CACNA1E: variants seen among roughly 807,000 people sequenced by gnomAD.
CACNA1E encodes the protein voltage-dependent R-type calcium channel subunit alpha-1E.
A neutral mutation model predicts 259.2 loss-of-function variants in CACNA1E; 40 were observed. The ratio of observed to expected loss-of-function variants is 0.15; its 90% confidence interval spans 0.12 to 0.20. The LOEUF (loss-of-function observed/expected upper bound fraction) is 0.20. Among genes scored for constraint, CACNA1E ranks in the 10% least tolerant of loss-of-function variants. The pLI, the probability that CACNA1E is intolerant of heterozygous loss-of-function variation, is 1.00. For synonymous variants in CACNA1E, 1,104 were observed against 1,138.5 expected, an observed-to-expected ratio of 0.97 and a Z score of 0.61; for missense variants, 1,874 against 3,040.1, an observed-to-expected ratio of 0.62 and a Z score of 9.02.
At chr1:181,367,133 G>C (rs1654331656) in intron 1 of CACNA1E, among the ~76,000 whole-genome samples, 2 of 152,156 alleles carry the variant, frequency 1.3e-5, no homozygotes, top group Non-Finnish European at 2.9e-5. Context: ...CATCCCTGGA[G>C]GTTGCCACGC....
chr1:181,382,201 G>A (rs1655506092), intron 1 of CACNA1E, among the ~76,000 whole-genome samples: 1 of 152,202 alleles, frequency 6.6e-6, no homozygotes, highest in Admixed American at 6.5e-5. Flanking sequence ...AACAGTGATT[G>A]CAGAGGCCTT....
chr1:181,547,004 T>C (rs371735273), intron 3 of CACNA1E, among the ~76,000 whole-genome samples: 1 of 152,204 alleles, frequency 6.6e-6, no homozygotes, highest in Non-Finnish European at 1.5e-5. Flanking sequence ...ATAACTTAGA[T>C]GATTTAAAGC....
chr1:181,641,703 G>T (rs373626417), intron 6 of CACNA1E, among the ~76,000 whole-genome samples: 2,881 of 80,176 alleles, frequency 0.036, 66 homozygotes, highest in African/African-American at 0.088. Flanking sequence ...CTAATTTTTT[G>T]TTTTTTTTTT....
chr1:181,333,817 G>A lies in CACNA1E; in HGVS notation c.-15+15694G>A, dbSNP rs1181101471. Among the ~76,000 whole-genome samples, 22 of 152,008 alleles carry A rather than the reference G, an allele frequency of 1.4e-4. 1 individual carries two copies. The highest frequency in any genetic ancestry group is 1.4e-3 in the Admixed American group (21 of 15,248). ...ATTACAGGCATGTACCACCACGCCC[G>A]GCTAATTTTTTGTATTTAGTAGATA... On this transcript the variant is annotated intron_variant, in intron 1 of 11. Coordinates refer to the CACNA1E transcript ENST00000524607.
chr1:181,391,434 G>A (rs1036318931), intron 1 of CACNA1E, among the ~76,000 whole-genome samples: 4 of 152,104 alleles, frequency 2.6e-5, no homozygotes, highest in Admixed American at 1.3e-4. Context: ...GCAGGCAGCC[G>A]TTACCATGTT....
chr1:181,508,147 T>TTGTGTG (rs55742094), intron 1 of CACNA1E, among the ~76,000 whole-genome samples: 20,408 of 148,818 alleles, frequency 0.14, 1,500 homozygotes, highest in African/African-American at 0.18. Flanking sequence ...CCCAAACGCC[T>TTGTGTG]TGTGTGTGTG....
At chr1:181,679,343 T>C (rs75164309) in intron 7 of CACNA1E, among the ~76,000 whole-genome samples, 11,971 of 152,208 alleles carry the variant, frequency 0.079, 620 homozygotes, top group South Asian at 0.2. Flanking sequence ...AGTTAGTAAA[T>C]TGGGGACTAG....
intron 1 of CACNA1E, among the ~76,000 whole-genome samples, chr1:181,399,249 G>GA (rs796414907): frequency 3.1e-4 from 44 of 139,916 alleles, no homozygotes; most frequent in Middle Eastern, 3.6e-3. Flanking sequence ...GAGGTAGAAG[G>GA]AAAAAAAAAA....
intron 44 of CACNA1E, among the ~76,000 whole-genome samples, chr1:181,792,994 GCTA>G (rs1404631282): frequency 6.6e-6 from 1 of 151,984 alleles, no homozygotes; most frequent in Non-Finnish European, 1.5e-5. Flanking sequence ...ATGTTGACAT[GCTA>G]CTATTTGGAT....
At chr1:181,753,982 G>A (rs544648260) in intron 27 of CACNA1E, among the ~76,000 whole-genome samples, 9 of 152,062 alleles carry the variant, frequency 5.9e-5, no homozygotes, top group Admixed American at 1.3e-4. Context: ...TGGCTACCCC[G>A]CCTTCCCCCC....
intron 38 of CACNA1E, among the ~76,000 whole-genome samples, chr1:181,780,429 G>A (rs1013068342): frequency 3.3e-5 from 5 of 152,188 alleles, no homozygotes; most frequent in Admixed American, 3.3e-4. Flanking sequence ...GCTAGGTAAG[G>A]AACCCTCTCC....
intron 1 of CACNA1E, among the ~76,000 whole-genome samples, chr1:181,362,802 G>A (rs1272686148): frequency 6.6e-6 from 1 of 152,192 alleles, no homozygotes; most frequent in Non-Finnish European, 1.5e-5. Flanking sequence ...AAATGTGAAA[G>A]AGGAGATGGG....
At chr1:181,517,806 G>A (rs1033731048) in intron 3 of CACNA1E, among the ~76,000 whole-genome samples, 1 of 152,146 alleles carries the variant, frequency 6.6e-6, no homozygotes, top group Non-Finnish European at 1.5e-5. Context: ...TCTGTAAAGA[G>A]GCTGCCCTAA....
At chr1:181,356,696 C>A (rs1273782325) in intron 1 of CACNA1E, among the ~76,000 whole-genome samples, 2 of 152,220 alleles carry the variant, frequency 1.3e-5, no homozygotes, top group African/African-American at 4.8e-5. Flanking sequence ...TTGGAGGAAG[C>A]TGCGGCGGTG....
At chr1:181,661,357 G>A (rs1021677612) in intron 7 of CACNA1E, among the ~76,000 whole-genome samples, 14 of 152,276 alleles carry the variant, frequency 9.2e-5, no homozygotes, top group Admixed American at 5.2e-4. Flanking sequence ...GAAGTACAGC[G>A]GTGGGGACGG....
At chr1:181,604,957 CA>C (rs1185078541) in intron 6 of CACNA1E, among the ~76,000 whole-genome samples, 1 of 152,124 alleles carries the variant, frequency 6.6e-6, no homozygotes, top group Non-Finnish European at 1.5e-5. Context: ...AGAGAGGCCT[CA>C]TTTGTCACTC....
chr1:181,514,360 G>C (rs944361632), intron 3 of CACNA1E, among the ~76,000 whole-genome samples: 2 of 152,338 alleles, frequency 1.3e-5, no homozygotes, highest in Non-Finnish European at 2.9e-5. Context: ...AGGGAGGCAG[G>C]CAAAGTGGAC....
chr1:181,444,843 C>T (rs1660706461), intron 2 of CACNA1E, among the ~76,000 whole-genome samples: 1 of 152,138 alleles, frequency 6.6e-6, no homozygotes, highest in African/African-American at 2.4e-5. Flanking sequence ...GCTCCGTAGA[C>T]AACTTACTCT....
chr1:181,579,190 C>G lies in CACNA1E; in HGVS notation c.735C>G (p.Gly245=). The G allele has an allele frequency of 6.2e-7, 1 of 1,613,636 alleles. No homozygotes were observed. The change falls in exon 5 of 48, where the codon GGC becomes GGG. Residue 245 remains glycine (G), a synonymous_variant. Coordinates refer to ENST00000367573, the MANE Select transcript of CACNA1E (RefSeq NM_001205293.3). ...TCATTGGTTTGGAGTTCTACAGTGG[C>G]AAGTTACATCGAGCATGCTTCATGA... ...FAIIGLEFYS[G]KLHRACFMNN...
Sources: allele counts gnomAD v4.1 joint callset (sites outside exome capture counted in the v4.1 genomes callset), GRCh38; gene constraint gnomAD v4.1.1; transcripts MANE v1.5; gene names NCBI Gene and HGNC (gene_info 2026-07-23, HGNC 2026-07-21).